Variants in NEBL observed in about 807,000 individuals in gnomAD.
NEBL encodes the protein nebulette, also known as LIM and SH3 protein 2.
In NEBL, 122 loss-of-function variants were observed where a neutral mutation model predicts 140.2. The ratio of observed to expected loss-of-function variants is 0.87; its 90% CI spans 0.75 to 1.01. NEBL has a LOEUF of 1.01. NEBL is among the 50% of genes least tolerant of loss of function. NEBL has a pLI of 0.00. For synonymous variants in NEBL, 436 were observed against 398.9 expected (o/e 1.09, Z -1.11); for missense variants, 1,365 against 1,231.3 (o/e 1.11, Z -1.62).
At chr10:21,092,418 G>C (rs2131967502) in intron 2 of NEBL, among the ~76,000 whole-genome samples, 1 of 152,164 alleles carries the variant, frequency 6.6e-6, no homozygotes, top group South Asian at 2.1e-4. Flanking sequence ...TGTTCCTCTA[G>C]AAGTAACAGT....
intron 1 of NEBL, among the ~76,000 whole-genome samples, chr10:21,259,766 A>T (rs1469595167): frequency 1.3e-5 from 2 of 151,508 alleles, no homozygotes; most frequent in African/African-American, 4.9e-5. Flanking sequence ...ATGTGTAGTA[A>T]TCCAGGCCTA....
intron 24 of NEBL, among the ~76,000 whole-genome samples, chr10:20,810,492 A>AGAT (rs1054764750): frequency 8.4e-4 from 128 of 152,356 alleles, no homozygotes; most frequent in African/African-American, 3.0e-3. Flanking sequence ...ATATCTTATT[A>AGAT]GATACACTTA....
chr10:21,074,574 T>C (rs1242443719), intron 2 of NEBL, among the ~76,000 whole-genome samples: 1 of 147,390 alleles, frequency 6.8e-6, no homozygotes, highest in Non-Finnish European at 1.5e-5. Context: ...TCCTCCTGGG[T>C]TCAAGCGATT....
At chr10:20,794,232 A>C (rs1836286478) in intron 26 of NEBL, among the ~76,000 whole-genome samples, 1 of 152,222 alleles carries the variant, frequency 6.6e-6, no homozygotes, top group South Asian at 2.1e-4. Flanking sequence ...GGAAGGAGGA[A>C]GTGTACAGCC....
At chr10:21,176,721 A>T (rs1396615552), upstream of NEBL, among the ~76,000 whole-genome samples, 1 of 152,152 alleles carries the variant, frequency 6.6e-6, no homozygotes. Context: ...ACTCTACCCC[A>T]ATATCTCTAC....
intron 5 of NEBL, among the ~76,000 whole-genome samples, chr10:20,875,262 C>T (rs1049789793): frequency 6.6e-6 from 1 of 152,098 alleles, no homozygotes; most frequent in African/African-American, 2.4e-5. Flanking sequence ...TCCCTATGCT[C>T]GTGCAGAGCA....
chr10:21,177,415 T>C (rs1223638374), upstream of NEBL, among the ~76,000 whole-genome samples: 1 of 152,254 alleles, frequency 6.6e-6, no homozygotes, highest in Non-Finnish European at 1.5e-5. Flanking sequence ...GTTTTGTTAC[T>C]GCAGCAAAAG....
rs145671509 is a variant in NEBL at position 20,891,259 on chromosome 10, C to A, written c.154-1310G>T. On this transcript the variant is annotated intron_variant, in intron 2 of 27. Coordinates refer to ENST00000377122, the MANE Select transcript of NEBL (RefSeq NM_006393.3). Reference sequence around the variant, plus strand: ...ATTTGCTTTATTCATGAAATCAACACGAGAACATATTTATCTTATCTGAGC... The same window carrying A: ...ATTTGCTTTATTCATGAAATCAACAAGAGAACATATTTATCTTATCTGAGC... Among the ~76,000 whole-genome samples the A allele has an allele frequency of 3.0e-4, 45 of 152,250 alleles. 2 individuals are homozygous for A. In the East Asian group the frequency reaches 5.8e-3, roughly 20 times the overall value.
At chr10:20,958,876 G>A (rs568831804) in intron 4 of NEBL, among the ~76,000 whole-genome samples, 5 of 152,242 alleles carry the variant, frequency 3.3e-5, no homozygotes, top group Non-Finnish European at 4.4e-5. Flanking sequence ...TGAAATTTAC[G>A]GTTGTATTTT....
chr10:21,051,789 G>A (rs1485094649), intron 2 of NEBL, among the ~76,000 whole-genome samples: 1 of 152,176 alleles, frequency 6.6e-6, no homozygotes, highest in Non-Finnish European at 1.5e-5. Flanking sequence ...CCACTTTATT[G>A]AGATATGATT....
intron 4 of NEBL, among the ~76,000 whole-genome samples, chr10:20,953,933 G>A (rs1252666158): frequency 6.6e-6 from 1 of 150,754 alleles, no homozygotes; most frequent in Non-Finnish European, 1.5e-5. Flanking sequence ...TGAAGGGGTA[G>A]ACTCATTCCT....
intron 26 of NEBL, among the ~76,000 whole-genome samples, chr10:20,793,894 C>T (rs1361743468): frequency 1.3e-5 from 2 of 152,128 alleles, no homozygotes; most frequent in Non-Finnish European, 2.9e-5. Flanking sequence ...ACAATGCGGA[C>T]CTACCGAACT....
chr10:21,144,355 C>T (rs1839787592), intron 2 of NEBL, among the ~76,000 whole-genome samples: 1 of 152,240 alleles, frequency 6.6e-6, no homozygotes, highest in African/African-American at 2.4e-5. Context: ...TGCATTCAAC[C>T]ATCCAAATCG....
intron 2 of NEBL, among the ~76,000 whole-genome samples, chr10:21,099,309 C>A (rs1408630035): frequency 6.6e-6 from 1 of 152,130 alleles, no homozygotes; most frequent in Non-Finnish European, 1.5e-5. Context: ...GCCCACCCAC[C>A]GACATGGCTG....
chr10:20,931,393 G>A (rs1203833389), intron 4 of NEBL, among the ~76,000 whole-genome samples: 1 of 152,130 alleles, frequency 6.6e-6, no homozygotes, highest in Admixed American at 6.5e-5. Context: ...ATATAAATAC[G>A]TTTATAAATT....
rs139838222 is a variant in NEBL at position 21,021,340 on chromosome 10, G to A, written c.165-1139C>T. On this transcript the variant is annotated intron_variant, in intron 2 of 6. Transcript: ENST00000417816. ...TGTTCTCAAATGCAAATCTGATCACGTCACTCCCCTGAGTAAAACCTTTCA... is the reference window on the plus strand; with the variant it reads ...TGTTCTCAAATGCAAATCTGATCACATCACTCCCCTGAGTAAAACCTTTCA... Among the ~76,000 whole-genome samples the A allele has an allele frequency of 2.0e-4, 31 of 152,158 alleles. 1 individual carries two copies. The East Asian group carries it at 3.7e-3, about 18-fold the overall frequency.
At chr10:21,116,868 C>T (rs1430084659) in intron 2 of NEBL, among the ~76,000 whole-genome samples, 1 of 152,012 alleles carries the variant, frequency 6.6e-6, no homozygotes, top group African/African-American at 2.4e-5. Context: ...ATGGGGGTCT[C>T]ACTGTATTGT....
chr10:21,136,126 C>G (rs1341309436), intron 2 of NEBL, among the ~76,000 whole-genome samples: 2 of 152,160 alleles, frequency 1.3e-5, no homozygotes, highest in African/African-American at 4.8e-5. Flanking sequence ...GGAAGATACT[C>G]TAACCCAAAC....
chr10:20,861,708 C>T (rs892469681), intron 7 of NEBL, among the ~76,000 whole-genome samples: 6 of 152,144 alleles, frequency 3.9e-5, no homozygotes, highest in African/African-American at 1.2e-4. Flanking sequence ...CAGAGCCCAT[C>T]ATACTGTTTT....
Sources: allele counts gnomAD v4.1 joint callset (sites outside exome capture counted in the v4.1 genomes callset), GRCh38; gene constraint gnomAD v4.1.1; transcripts MANE v1.5; gene names NCBI Gene and HGNC (gene_info 2026-07-23, HGNC 2026-07-21).